Variants in CDH18 observed in about 807,000 individuals in gnomAD.
The protein encoded by CDH18 is cadherin 18.
CDH18 carries 31 observed loss-of-function variants against 67.9 expected under a neutral mutation model. The observed-to-expected ratio is 0.46, with a 90% CI of 0.34 to 0.62. The LOEUF is 0.62. CDH18 is among the 20% of genes least tolerant of loss of function. The pLI is 0.01. For missense variants in CDH18, 890 were observed against 975.5 expected (o/e 0.91, Z 1.17); for synonymous variants, 362 against 347.2 (o/e 1.04, Z -0.48).
intron 3 of CDH18, among the ~76,000 whole-genome samples, chr5:19,836,651 G>A (rs900753412): frequency 5.3e-5 from 8 of 152,170 alleles, no homozygotes; most frequent in African/African-American, 1.2e-4. Context: ...TTCTTTTGCT[G>A]TGCAGAGGCT....
intron 2 of CDH18, among the ~76,000 whole-genome samples, chr5:20,165,465 T>C (rs958304414): frequency 6.6e-6 from 1 of 152,096 alleles, no homozygotes; most frequent in Admixed American, 6.5e-5. Context: ...AGTGCTTGGA[T>C]GTTGTAAGAG....
chr5:19,982,761 G>T (rs948313292), intron 1 of CDH18, among the ~76,000 whole-genome samples: 1 of 151,792 alleles, frequency 6.6e-6, no homozygotes, highest in Non-Finnish European at 1.5e-5. Context: ...ATTATAATTC[G>T]AGGCCAGGCA....
chr5:19,648,622 G>A (rs1226142307), intron 5 of CDH18, among the ~76,000 whole-genome samples: 1 of 151,738 alleles, frequency 6.6e-6, no homozygotes, highest in Non-Finnish European at 1.5e-5. Flanking sequence ...TTCTATTGAT[G>A]TTCACAGCTT....
intron 1 of CDH18, among the ~76,000 whole-genome samples, chr5:20,406,905 C>T (rs1476474936): frequency 6.6e-6 from 1 of 152,142 alleles, no homozygotes; most frequent in Non-Finnish European, 1.5e-5. Context: ...AAATTGGAAG[C>T]AATATCTCAG....
chr5:19,845,540 G>C (rs961247384), intron 2 of CDH18, among the ~76,000 whole-genome samples: 1 of 151,978 alleles, frequency 6.6e-6, no homozygotes, highest in African/African-American at 2.4e-5. Context: ...GGTTCATAGT[G>C]TTGTTCAAGT....
chr5:20,072,735 T>G (rs1264639231), intron 2 of CDH18, among the ~76,000 whole-genome samples: 1 of 151,932 alleles, frequency 6.6e-6, no homozygotes, highest in East Asian at 1.9e-4. Flanking sequence ...TTCAAAATAT[T>G]TTTAGAATAG....
chr5:20,053,822 A>C (rs1352922211), intron 2 of CDH18, among the ~76,000 whole-genome samples: 1 of 152,144 alleles, frequency 6.6e-6, no homozygotes, highest in Non-Finnish European at 1.5e-5. Context: ...AAAGTAAGTC[A>C]AGCCATGCCA....
intron 2 of CDH18, among the ~76,000 whole-genome samples, chr5:19,962,378 CAAA>C (rs3065078): frequency 3.9e-5 from 2 of 51,594 alleles, no homozygotes; most frequent in African/African-American, 8.4e-5. Flanking sequence ...CGTCAAAAAG[CAAA>C]AAAAAAAAAA....
chr5:19,859,813 TG>T (rs1218291709), intron 2 of CDH18, among the ~76,000 whole-genome samples: 1 of 152,164 alleles, frequency 6.6e-6, no homozygotes, highest in East Asian at 1.9e-4. Context: ...CCAACCACCT[TG>T]GGCACATGTT....
chr5:20,323,128 A>G (rs536500531), intron 1 of CDH18, among the ~76,000 whole-genome samples: 1 of 152,288 alleles, frequency 6.6e-6, no homozygotes, highest in South Asian at 2.1e-4. Context: ...GCACTTGAAA[A>G]CAAGCTAAGC....
At chr5:20,123,342 G>C (rs1359879345) in intron 2 of CDH18, among the ~76,000 whole-genome samples, 1 of 152,166 alleles carries the variant, frequency 6.6e-6, no homozygotes, top group African/African-American at 2.4e-5. Context: ...AACGCTGGAG[G>C]CTGTGTTTCC....
At chr5:20,186,006 A>T (rs1033573906) in intron 2 of CDH18, among the ~76,000 whole-genome samples, 23 of 152,070 alleles carry the variant, frequency 1.5e-4, no homozygotes, top group African/African-American at 5.5e-4. Flanking sequence ...AGGCAATAAA[A>T]ATAGAAATGA....
chr5:19,992,451 A>C (rs1800038702), upstream of CDH18, among the ~76,000 whole-genome samples: 1 of 147,480 alleles, frequency 6.8e-6, no homozygotes, highest in Admixed American at 6.8e-5. Flanking sequence ...GCCAGACTTA[A>C]AAAAAAAAAA....
At chr5:19,764,897 G>A (rs1772873839) in intron 3 of CDH18, among the ~76,000 whole-genome samples, 1 of 152,044 alleles carries the variant, frequency 6.6e-6, no homozygotes, top group South Asian at 2.1e-4. Flanking sequence ...GACTTTCCTT[G>A]TGCTCATTCT....
intron 8 of CDH18, among the ~76,000 whole-genome samples, chr5:19,556,725 T>C (rs1220433712): frequency 6.6e-6 from 1 of 152,068 alleles, no homozygotes; most frequent in Non-Finnish European, 1.5e-5. Context: ...GCAGAAAACT[T>C]CCCCAGCTTT....
intron 1 of CDH18, among the ~76,000 whole-genome samples, chr5:20,322,891 A>G (rs75628738): frequency 0.067 from 10,229 of 152,180 alleles, 514 homozygotes; most frequent in East Asian, 0.16. Context: ...CCATTAACCA[A>G]TTCCTTTTGT....
intron 2 of CDH18, among the ~76,000 whole-genome samples, chr5:20,199,668 T>C (rs940617467): frequency 2.0e-5 from 3 of 152,012 alleles, no homozygotes; most frequent in Non-Finnish European, 4.4e-5. Context: ...TTTGGGAGGG[T>C]CCAGAGGCAA....
intron 2 of CDH18, among the ~76,000 whole-genome samples, chr5:20,123,628 C>CT (rs1748560991): frequency 6.6e-6 from 1 of 152,146 alleles, no homozygotes; most frequent in African/African-American, 2.4e-5. Flanking sequence ...TCACTCACGC[C>CT]TGTAATCCCA....
At chr5:19,988,256 G>A (rs1455373558), upstream of CDH18, 2 of 152,228 alleles carry the variant, frequency 1.3e-5, no homozygotes, top group East Asian at 1.9e-4. Flanking sequence ...CAGCTCCCGA[G>A]CGCGCCTCTG....
Sources: allele counts gnomAD v4.1 joint callset (sites outside exome capture counted in the v4.1 genomes callset), GRCh38; gene constraint gnomAD v4.1.1; transcripts MANE v1.5; gene names NCBI Gene and HGNC (gene_info 2026-07-23, HGNC 2026-07-21).